The following TUSC3 variants were observed in gnomAD, a reference collection of about 807,000 sequenced individuals.
The protein encoded by TUSC3 is tumor suppressor candidate 3, also known as dolichyl-diphosphooligosaccharide--protein glycosyltransferase subunit TUSC3.
In TUSC3, 45 loss-of-function variants were observed where a neutral mutation model predicts 44.8. The observed-to-expected ratio is 1.00, with a 90% CI of 0.79 to 1.29. The LOEUF (loss-of-function observed/expected upper bound fraction) is 1.29. TUSC3 is among the 50% of genes most tolerant of loss of function. The pLI is 0.00. For synonymous variants in TUSC3, 212 were observed against 152.9 expected (o/e 1.39, Z -2.85); for missense variants, 519 against 437.9 (o/e 1.19, Z -1.65).
At chr8:15,748,282 G>T (rs967172596) in intron 8 of TUSC3, 93 bp from the exon 9 acceptor site, 1 of 938,756 alleles carries the variant, frequency 1.1e-6, no homozygotes, top group Non-Finnish European at 1.8e-6. Context: ...TTAAATGTAA[G>T]TATACTGTAA....
intron 2 of TUSC3, among the ~76,000 whole-genome samples, chr8:15,513,059 A>G (rs1801164184): frequency 6.6e-6 from 1 of 150,562 alleles, no homozygotes; most frequent in South Asian, 2.1e-4. Flanking sequence ...GAAGTTAGGA[A>G]TTACAATTGT....
At chr8:15,564,168 A>G (rs544558152) in intron 1 of TUSC3, among the ~76,000 whole-genome samples, 44 of 152,230 alleles carry the variant, frequency 2.9e-4, no homozygotes, top group African/African-American at 9.9e-4. Flanking sequence ...TGTGACTGGC[A>G]CTTCAAAAAT....
intron 6 of TUSC3, among the ~76,000 whole-genome samples, chr8:15,730,196 T>C: frequency 6.6e-6 from 1 of 152,120 alleles, no homozygotes; most frequent in East Asian, 1.9e-4. Context: ...TAATTTTGTT[T>C]TGAAAAAATT....
the TUSC3 span, among the ~76,000 whole-genome samples, chr8:15,773,238 T>C: frequency 6.6e-6 from 1 of 152,170 alleles, no homozygotes; most frequent in Non-Finnish European, 1.5e-5. Flanking sequence ...AAACGAAGAA[T>C]TTTTTAAATG....
At chr8:15,840,788 C>T in the TUSC3 span, among the ~76,000 whole-genome samples, 1 of 152,118 alleles carries the variant, frequency 6.6e-6, no homozygotes, top group African/African-American at 2.4e-5. Flanking sequence ...CTAAATTTAT[C>T]ATCTATCCAC....
intron 1 of TUSC3, among the ~76,000 whole-genome samples, chr8:15,610,051 A>G (rs1258760415): frequency 1.3e-5 from 2 of 151,870 alleles, no homozygotes; most frequent in Non-Finnish European, 2.9e-5. Flanking sequence ...TCACATAACT[A>G]TGTTTATATG....
intron 1 of TUSC3, among the ~76,000 whole-genome samples, chr8:15,424,680 A>G (rs1221255051): frequency 6.6e-6 from 1 of 152,118 alleles, no homozygotes; most frequent in Non-Finnish European, 1.5e-5. Flanking sequence ...GGAGATCGAG[A>G]CTATCCTGGC....
chr8:15,684,851 C>T (rs921460777), intron 6 of TUSC3, among the ~76,000 whole-genome samples: 2 of 152,162 alleles, frequency 1.3e-5, no homozygotes, highest in Non-Finnish European at 2.9e-5. Context: ...GAGCAGACTG[C>T]TCCTAGACCT....
At chr8:15,459,013 G>A (rs1267882272) in intron 1 of TUSC3, among the ~76,000 whole-genome samples, 1 of 152,172 alleles carries the variant, frequency 6.6e-6, no homozygotes, top group East Asian at 1.9e-4. Context: ...AAGACCTGTT[G>A]AGATAGTTAA....
At chr8:15,620,019 A>G (rs1366728514) in intron 1 of TUSC3, among the ~76,000 whole-genome samples, 20 of 152,140 alleles carry the variant, frequency 1.3e-4, no homozygotes, top group Non-Finnish European at 1.5e-5. Flanking sequence ...CTGAGATTGC[A>G]CCATTGCACT....
chr8:15,687,781 A>T (rs1263453428), intron 6 of TUSC3, among the ~76,000 whole-genome samples: 1 of 152,226 alleles, frequency 6.6e-6, no homozygotes, highest in African/African-American at 2.4e-5. Context: ...GCATAGATAA[A>T]TAAATCTTTC....
intron 2 of TUSC3, among the ~76,000 whole-genome samples, chr8:15,650,134 C>A (rs1046100809): frequency 7.2e-5 from 11 of 152,112 alleles, no homozygotes; most frequent in Admixed American, 1.3e-4. Context: ...AAAGAGAAAT[C>A]TTTGCTTACT....
At chr8:15,495,119 G>C (rs1168214472) in intron 2 of TUSC3, among the ~76,000 whole-genome samples, 1 of 151,868 alleles carries the variant, frequency 6.6e-6, no homozygotes, top group East Asian at 1.9e-4. Flanking sequence ...ATTCCCTGGT[G>C]TATATGTACC....
At chr8:15,605,579 C>G (rs904762710) in intron 1 of TUSC3, among the ~76,000 whole-genome samples, 3 of 151,400 alleles carry the variant, frequency 2.0e-5, no homozygotes, top group African/African-American at 7.3e-5. Flanking sequence ...TGAAAGCATT[C>G]TAAGATGGAC....
chr8:15,449,853 T>C (rs1563253920), intron 1 of TUSC3, among the ~76,000 whole-genome samples: 2 of 152,198 alleles, frequency 1.3e-5, no homozygotes, highest in Non-Finnish European at 2.9e-5. Context: ...TTTATTTTTT[T>C]ACTGTACCTT....
intron 2 of TUSC3, among the ~76,000 whole-genome samples, chr8:15,514,829 G>T (rs979835247): frequency 6.6e-6 from 1 of 152,118 alleles, no homozygotes; most frequent in Non-Finnish European, 1.5e-5. Context: ...TCAGCCACTC[G>T]CTAGGCTGAT....
chr8:15,677,867 T>G (rs1285090275), intron 6 of TUSC3, among the ~76,000 whole-genome samples: 1 of 152,206 alleles, frequency 6.6e-6, no homozygotes, highest in Non-Finnish European at 1.5e-5. Context: ...AGACATCCAC[T>G]GGTTGGAGAG....
chr8:15,599,701 G>GTTTT (rs143634299), intron 1 of TUSC3, among the ~76,000 whole-genome samples: 1 of 134,036 alleles, frequency 7.5e-6, no homozygotes. Context: ...ATTGCTTGTG[G>GTTTT]TTTTTTTTTT....
rs77909818 is a variant in TUSC3, at chr8:15,529,509, G to A, written n.189+46026G>A. 4.2e-3 allele frequency among the ~76,000 whole-genome samples: 645 copies of A among 152,146 alleles called. 5 individuals are homozygous for A. The highest frequency in any genetic ancestry group is 0.014 in the African/African-American group (598 of 41,518). ...TAAAAATAATTGAATGAAATGTATC[G>A]TAATATACAAAATCAGTTTCACTTT... On this transcript the variant is annotated intron_variant and non_coding_transcript_variant, in intron 2 of 5. Coordinates refer to the TUSC3 transcript ENST00000503191.
Sources: gnomAD v4.1 joint callset for allele counts (sites outside exome capture counted in the v4.1 genomes callset) on GRCh38, gnomAD v4.1.1 for gene constraint, MANE v1.5 for transcripts, NCBI Gene and HGNC (gene_info 2026-07-23, HGNC 2026-07-21) for gene names.